Variants in ASIC2 observed in about 807,000 individuals in gnomAD.
ASIC2 encodes the protein acid-sensing ion channel 2.
In ASIC2, 25 loss-of-function variants were observed where a neutral mutation model predicts 57.3. That is an observed-to-expected ratio of 0.44 (90% CI 0.32 to 0.61). The LOEUF is 0.61. ASIC2 is among the 20% of genes least tolerant of loss of function. ASIC2 has a pLI of 0.06. For synonymous variants in ASIC2, 319 were observed against 307.5 expected (o/e 1.04, Z -0.39); for missense variants, 641 against 738.1 (o/e 0.87, Z 1.52).
intron 1 of ASIC2, among the ~76,000 whole-genome samples, chr17:33,521,910 T>A (rs2038507441): frequency 6.6e-6 from 1 of 152,112 alleles, no homozygotes; most frequent in Admixed American, 6.5e-5. Flanking sequence ...CCTTCCCCCA[T>A]CACCTGGCAC....
intron 3 of ASIC2, among the ~76,000 whole-genome samples, chr17:33,028,706 T>C (rs2091868895): frequency 6.6e-6 from 1 of 152,114 alleles, no homozygotes; most frequent in African/African-American, 2.4e-5. Context: ...TTTTATAATC[T>C]TCCCATAAAT....
intron 3 of ASIC2, among the ~76,000 whole-genome samples, chr17:33,034,895 A>G (rs2091902588): frequency 1.3e-5 from 2 of 152,208 alleles, no homozygotes; most frequent in Admixed American, 6.5e-5. Flanking sequence ...AATATTAGCC[A>G]GTATTTCTTC....
At chr17:33,507,751 A>C (rs1213970104) in intron 1 of ASIC2, among the ~76,000 whole-genome samples, 2 of 152,124 alleles carry the variant, frequency 1.3e-5, no homozygotes, top group Non-Finnish European at 2.9e-5. Flanking sequence ...AAAATACAAA[A>C]ACTTAGCTGG....
chr17:33,583,375 C>A (rs562808933), intron 1 of ASIC2, among the ~76,000 whole-genome samples: 4 of 152,170 alleles, frequency 2.6e-5, no homozygotes, highest in Non-Finnish European at 4.4e-5. Context: ...TTACTTACTG[C>A]GGACTTAGAA....
intron 1 of ASIC2, among the ~76,000 whole-genome samples, chr17:33,872,308 C>G (rs1233782784): frequency 6.6e-6 from 1 of 152,122 alleles, no homozygotes; most frequent in Non-Finnish European, 1.5e-5. Flanking sequence ...AGACCCTACA[C>G]ACAGCCTGAA....
At chr17:33,242,709 G>A (rs1253776759) in intron 1 of ASIC2, among the ~76,000 whole-genome samples, 1 of 151,978 alleles carries the variant, frequency 6.6e-6, no homozygotes, top group East Asian at 1.9e-4. Context: ...GTGTATAATC[G>A]CCTCCATAAA....
chr17:33,051,522 C>G (rs914464023), intron 3 of ASIC2, among the ~76,000 whole-genome samples: 2 of 152,164 alleles, frequency 1.3e-5, no homozygotes, highest in African/African-American at 4.8e-5. Flanking sequence ...TACTCCCTGG[C>G]ATCTTCTTGA....
chr17:34,044,701 G>A (rs904281389), intron 1 of ASIC2, among the ~76,000 whole-genome samples: 9 of 152,140 alleles, frequency 5.9e-5, no homozygotes, highest in African/African-American at 2.2e-4. Context: ...TTTAGTGGAC[G>A]TGTTTGTCTG....
intron 1 of ASIC2, among the ~76,000 whole-genome samples, chr17:33,596,830 T>C (rs1387906375): frequency 6.6e-6 from 1 of 152,208 alleles, no homozygotes; most frequent in Non-Finnish European, 1.5e-5. Flanking sequence ...ATTTGAATTG[T>C]ACAAGAGTCC....
At chr17:33,326,239 C>T (rs1267788814) in intron 1 of ASIC2, among the ~76,000 whole-genome samples, 1 of 152,152 alleles carries the variant, frequency 6.6e-6, no homozygotes, top group Non-Finnish European at 1.5e-5. Context: ...AGAGTAATCA[C>T]CATTATACCC....
chr17:33,068,373 A>C (rs1274320222), intron 3 of ASIC2, among the ~76,000 whole-genome samples: 1 of 152,174 alleles, frequency 6.6e-6, no homozygotes, highest in Admixed American at 6.5e-5. Context: ...GTTTCTACTA[A>C]AAATACAAAA....
At chr17:33,861,122 G>GT (rs1914090609) in intron 1 of ASIC2, among the ~76,000 whole-genome samples, 1 of 152,110 alleles carries the variant, frequency 6.6e-6, no homozygotes. Context: ...AAAAAACCCC[G>GT]TGTGTAACAG....
At chr17:33,536,372 T>C (rs984695557) in intron 1 of ASIC2, among the ~76,000 whole-genome samples, 3 of 152,250 alleles carry the variant, frequency 2.0e-5, no homozygotes, top group African/African-American at 7.2e-5. Flanking sequence ...GAGAGCCGAC[T>C]GTCAAATTGT....
At chr17:34,112,259 T>C (rs1443128138) in intron 1 of ASIC2, among the ~76,000 whole-genome samples, 1 of 152,106 alleles carries the variant, frequency 6.6e-6, no homozygotes, top group East Asian at 1.9e-4. Context: ...ACAGTGATAA[T>C]ATTTACCTCA....
chr17:33,031,703 C>T (rs1229712679), intron 3 of ASIC2, among the ~76,000 whole-genome samples: 1 of 152,148 alleles, frequency 6.6e-6, no homozygotes, highest in South Asian at 2.1e-4. Flanking sequence ...AGTATCAAAA[C>T]ATCTAACTAT....
At chr17:33,990,667 C>T (rs1905973818) in intron 1 of ASIC2, among the ~76,000 whole-genome samples, 1 of 152,092 alleles carries the variant, frequency 6.6e-6, no homozygotes, top group South Asian at 2.1e-4. Context: ...TAGTTCTTTC[C>T]CTGAAAGGCT....
chr17:34,029,444 C>T (rs560524816), intron 1 of ASIC2, among the ~76,000 whole-genome samples: 6 of 151,950 alleles, frequency 3.9e-5, no homozygotes, highest in African/African-American at 1.4e-4. Flanking sequence ...GGGTACAGCC[C>T]TTCATAGTTT....
chr17:33,353,499 A>T (rs1266055765), intron 1 of ASIC2, among the ~76,000 whole-genome samples: 1 of 152,000 alleles, frequency 6.6e-6, no homozygotes, highest in Non-Finnish European at 1.5e-5. Context: ...GCACCTGGCT[A>T]ATATATATAT....
intron 1 of ASIC2, among the ~76,000 whole-genome samples, chr17:33,114,496 G>A (rs1249889661): frequency 2.0e-5 from 3 of 152,140 alleles, no homozygotes; most frequent in African/African-American, 7.2e-5. Flanking sequence ...CTGTATGAAG[G>A]GATTTGCAAG....
Sources: allele counts gnomAD v4.1 joint callset (sites outside exome capture counted in the v4.1 genomes callset), GRCh38; gene constraint gnomAD v4.1.1; transcripts MANE v1.5; gene names NCBI Gene and HGNC (gene_info 2026-07-23, HGNC 2026-07-21).